The following CELF2 variants were observed in gnomAD, a reference collection of about 807,000 sequenced individuals.
The protein encoded by CELF2 is CUG triplet repeat RNA-binding protein 2.
CELF2 carries 8 observed loss-of-function variants against 62.6 expected under a neutral mutation model. The observed-to-expected ratio is 0.13, with a 90% CI of 0.07 to 0.23. The LOEUF (loss-of-function observed/expected upper bound fraction) is 0.23. Among genes scored for constraint, CELF2 ranks in the 10% least tolerant of loss-of-function variants. CELF2 has a pLI of 1.00. For missense variants in CELF2, 333 were observed against 671.0 expected (o/e 0.50, Z 5.56); for synonymous variants, 258 against 250.0 (o/e 1.03, Z -0.30).
intron 2 of CELF2, among the ~76,000 whole-genome samples, chr10:10,962,712 A>C (rs977812486): frequency 2.8e-4 from 43 of 152,336 alleles, no homozygotes; most frequent in South Asian, 2.1e-4. Context: ...GTGTTAGAGC[A>C]AGACACTGTC....
Position 11,328,402 on chromosome 10 carries a change from G to A in CELF2, c.1439-524G>A, listed in dbSNP as rs895466889. 2.6e-5 allele frequency among the ~76,000 whole-genome samples: 4 copies of A among 152,076 alleles called. No homozygotes were observed. Among genetic ancestry groups the A allele is most frequent in the South Asian group, 2.1e-4 (1 of 4,818 alleles). On this transcript the variant is annotated intron_variant, in intron 12 of 12. Transcript: ENST00000633077. This position sits in a 1 kb window ranked among gnomAD's most constrained non-coding sequence, Gnocchi z 6.4. ...CAGGTGTAGGCTCTGTGTGACAGAC[G>A]ATGGAGAGCTCGAGTGACAGGCTGG...
rs1373548811 is a variant in CELF2 at position 11,335,022 on chromosome 10, G to T, written c.*5969G>T. On this transcript the variant is annotated 3_prime_UTR_variant, in exon 13 of 13. Coordinates refer to ENST00000633077, the MANE Select transcript of CELF2 (RefSeq NM_001326342.2). This position sits in a 1 kb window ranked among gnomAD's most constrained non-coding sequence, Gnocchi z 5.0. ...AAGAAGTATTTCCAAGGGCTCAAATGGAAGCTGTACTCAGTCCGGTGGAGG... is the reference window on the plus strand; with the variant it reads ...AAGAAGTATTTCCAAGGGCTCAAATTGAAGCTGTACTCAGTCCGGTGGAGG... The T allele has an allele frequency of 6.6e-6, 1 of 152,168 alleles. No homozygotes were observed. Among genetic ancestry groups the T allele is most frequent in the Admixed American group, 6.5e-5 (1 of 15,280 alleles). 9.4% of individuals were successfully genotyped at this position (152,168 alleles called of 1,614,324 possible). A position where few individuals can be genotyped will look rare whatever the true frequency, so the allele number is the denominator to read the frequency against.
chr10:11,168,147 A>G (rs1393834805), intron 2 of CELF2, among the ~76,000 whole-genome samples: 2 of 152,124 alleles, frequency 1.3e-5, no homozygotes, highest in Non-Finnish European at 2.9e-5. Flanking sequence ...TTTAGTTTTT[A>G]TACTCAGGTG....
chr10:10,521,929 G>A, the CELF2 span, among the ~76,000 whole-genome samples: 2 of 152,174 alleles, frequency 1.3e-5, no homozygotes, highest in Non-Finnish European at 2.9e-5. Context: ...ACCAGATAAT[G>A]AGGACGGAAT....
At chr10:10,568,340 C>A in the CELF2 span, among the ~76,000 whole-genome samples, 1 of 152,006 alleles carries the variant, frequency 6.6e-6, no homozygotes. Flanking sequence ...GAAGAAAGGT[C>A]CCAGATCAGG....
intron 9 of CELF2, among the ~76,000 whole-genome samples, chr10:11,312,622 T>A (rs1388213045): frequency 6.6e-6 from 1 of 152,174 alleles, no homozygotes; most frequent in Non-Finnish European, 1.5e-5. Context: ...TCCAAAGTAG[T>A]AGAGAGGGGA....
the CELF2 span, among the ~76,000 whole-genome samples, chr10:10,651,943 A>C: frequency 6.6e-6 from 1 of 151,492 alleles, no homozygotes; most frequent in South Asian, 2.1e-4. Context: ...GAGGACATTC[A>C]AACCAAAGGC....
At chr10:10,617,238 G>A in the CELF2 span, among the ~76,000 whole-genome samples, 2,353 of 152,284 alleles carry the variant, frequency 0.015, 104 homozygotes, top group Admixed American at 0.079. Flanking sequence ...TCAGGCTTGT[G>A]TGGAATGCCA....
At chr10:10,802,283 G>A (rs762066404) in intron 1 of CELF2, among the ~76,000 whole-genome samples, 17 of 151,958 alleles carry the variant, frequency 1.1e-4, no homozygotes, top group Non-Finnish European at 1.9e-4. Flanking sequence ...CATCCGGGCC[G>A]ACATGGTGAA....
chr10:11,111,461 C>G (rs1022743407), intron 1 of CELF2, among the ~76,000 whole-genome samples: 4 of 152,194 alleles, frequency 2.6e-5, no homozygotes, highest in Admixed American at 1.3e-4. Context: ...TAAAATGTGT[C>G]TCATAGACTG....
chr10:10,720,818 G>A, the CELF2 span, among the ~76,000 whole-genome samples: 38 of 152,166 alleles, frequency 2.5e-4, 1 homozygote, highest in Admixed American at 2.3e-3. Context: ...CTGGGCTTTT[G>A]CCTGAGGCCG....
chr10:10,628,061 C>T, the CELF2 span, among the ~76,000 whole-genome samples: 1 of 152,256 alleles, frequency 6.6e-6, no homozygotes, highest in East Asian at 1.9e-4. Flanking sequence ...CGCCACCACG[C>T]CTAGCTCATT....
intron 1 of CELF2, among the ~76,000 whole-genome samples, chr10:11,115,834 T>C (rs985625521): frequency 3.3e-5 from 5 of 152,206 alleles, no homozygotes; most frequent in Non-Finnish European, 2.9e-5. Context: ...AATATAATTT[T>C]CACAGGAATC....
chr10:10,968,046 TG>T (rs1037373623), intron 2 of CELF2, among the ~76,000 whole-genome samples: 8 of 152,062 alleles, frequency 5.3e-5, no homozygotes, highest in Non-Finnish European at 1.0e-4. Context: ...CCAGCCCCTC[TG>T]GGTTGGTTTT....
At chr10:10,514,738 C>T in the CELF2 span, among the ~76,000 whole-genome samples, 5 of 152,222 alleles carry the variant, frequency 3.3e-5, no homozygotes, top group South Asian at 1.0e-3. Context: ...ACATTTAAGG[C>T]ATTGACAACA....
chr10:11,063,195 A>G (rs1315113296), intron 1 of CELF2, among the ~76,000 whole-genome samples: 1 of 152,220 alleles, frequency 6.6e-6, no homozygotes, highest in Non-Finnish European at 1.5e-5. Flanking sequence ...TTGAAATACT[A>G]GCTTTATTTT....
At chr10:11,129,319 G>A (rs112670916) in intron 1 of CELF2, among the ~76,000 whole-genome samples, 4,802 of 152,236 alleles carry the variant, frequency 0.032, 93 homozygotes, top group Middle Eastern at 0.048. Flanking sequence ...TGTTCATCGG[G>A]GATATTGGTC....
the CELF2 span, among the ~76,000 whole-genome samples, chr10:10,627,116 G>A: frequency 3.4e-4 from 52 of 152,298 alleles, no homozygotes; most frequent in Non-Finnish European, 4.3e-4. Flanking sequence ...TGAGGCTCTC[G>A]CATTGTGTAG....
At chr10:10,732,558 C>G in the CELF2 span, among the ~76,000 whole-genome samples, 9 of 137,134 alleles carry the variant, frequency 6.6e-5, no homozygotes, top group Non-Finnish European at 1.1e-4. Flanking sequence ...AAGTCTCACT[C>G]TGTTGCCCAG....
Sources: allele counts gnomAD v4.1 joint callset (sites outside exome capture counted in the v4.1 genomes callset), GRCh38; gene constraint gnomAD v4.1.1; non-coding constraint Gnocchi (gnomAD v3.1); transcripts MANE v1.5; gene names NCBI Gene and HGNC (gene_info 2026-07-23, HGNC 2026-07-21).